The following SEMA3A variants were observed in gnomAD, a reference collection of about 807,000 sequenced individuals.
SEMA3A encodes the protein semaphorin 3A.
Under a neutral mutation model 97.9 loss-of-function variants are expected in SEMA3A, and 29 were observed. That is an observed-to-expected ratio of 0.30 (90% confidence interval 0.22 to 0.40). The LOEUF (loss-of-function observed/expected upper bound fraction) is 0.40. SEMA3A is among the 10% of genes least tolerant of loss of function. The probability of loss-of-function intolerance (pLI) is 1.00; values close to 1 mark genes in which losing one functional copy is unlikely to be tolerated. For synonymous variants in SEMA3A, 321 were observed against 323.7 expected, an observed-to-expected ratio of 0.99 and a Z score of 0.09; for missense variants, 763 against 951.3, an observed-to-expected ratio of 0.80 and a Z score of 2.60.
In SEMA3A at chr7:84,357,405, G is replaced by A. The variant is rs191599328; in HGVS notation, c.-169+14419C>T. ...GCGGTGTTTGGTTTTCTGTCTTTGC[G>A]ATAGTTTGCTGAGAATGATGGTTTC... On this transcript the variant is annotated intron_variant, in intron 2 of 3. Transcript: ENST00000424555. 2.4e-3 allele frequency among the ~76,000 whole-genome samples: 363 copies of A among 151,706 alleles called. 1 individual carries two copies. The highest frequency in any genetic ancestry group is 8.2e-3 in the African/African-American group (339 of 41,346).
intron 2 of SEMA3A, among the ~76,000 whole-genome samples, chr7:84,329,326 A>G (rs1346068310): frequency 2.0e-5 from 3 of 152,096 alleles, no homozygotes; most frequent in African/African-American, 2.4e-5. Flanking sequence ...AGCCGTGTCC[A>G]ACCCTTTGAA....
intron 5 of SEMA3A, among the ~76,000 whole-genome samples, chr7:84,047,024 C>T (rs1210194528): frequency 6.6e-6 from 1 of 151,668 alleles, no homozygotes; most frequent in Non-Finnish European, 1.5e-5. Flanking sequence ...TTTAATATAT[C>T]TAGTGGGAGA....
intron 3 of SEMA3A, among the ~76,000 whole-genome samples, chr7:84,128,328 T>C (rs1329551072): frequency 2.6e-5 from 4 of 151,238 alleles, no homozygotes; most frequent in East Asian, 1.9e-4. Flanking sequence ...AAAGAGGAGA[T>C]AAAAGGAAAA....
chr7:84,348,722 C>T (rs1022118063), intron 2 of SEMA3A, among the ~76,000 whole-genome samples: 14 of 152,094 alleles, frequency 9.2e-5, no homozygotes, highest in African/African-American at 3.4e-4. Context: ...CAGTGGCTCA[C>T]GCCTGTAATC....
At position 84,408,233 on chromosome 7, in the gene SEMA3A, G is replaced by A. The variant is rs1457518901; in HGVS notation, c.-245-36333C>T. Among the ~76,000 whole-genome samples the A allele has an allele frequency of 2.0e-5, 3 of 152,106 alleles. No homozygotes were observed. In the East Asian group the frequency reaches 5.8e-4, roughly 29 times the overall value. Reference sequence around the variant, plus strand: ...CAACCCCATCAACAAGTGGGTGAAGGATATGAACAGACGCTTCTCAAAAGA... The same window carrying A: ...CAACCCCATCAACAAGTGGGTGAAGAATATGAACAGACGCTTCTCAAAAGA... On this transcript the variant is annotated intron_variant, in intron 1 of 3. Transcript: ENST00000424555.
chr7:84,069,043 A>T (rs1793646960), intron 4 of SEMA3A, among the ~76,000 whole-genome samples: 2 of 152,272 alleles, frequency 1.3e-5, no homozygotes, highest in South Asian at 2.1e-4. Context: ...TTCTTACACA[A>T]TTCCATAGAG....
At chr7:84,320,130 G>GTGGGCCCA (rs1208629765) in intron 2 of SEMA3A, among the ~76,000 whole-genome samples, 1 of 151,412 alleles carries the variant, frequency 6.6e-6, no homozygotes, top group East Asian at 1.9e-4. Context: ...TTATGATAAT[G>GTGGGCCCA]GAAGCACTGA....
intron 1 of SEMA3A, among the ~76,000 whole-genome samples, chr7:84,476,547 A>G (rs1806286211): frequency 6.6e-6 from 1 of 152,088 alleles, no homozygotes; most frequent in South Asian, 2.1e-4. Context: ...ATGAATGCCT[A>G]CAACATTGTA....
chr7:83,958,742 C>T lies in SEMA3A; in HGVS notation c.*2629G>A, dbSNP rs980467364. On this transcript the variant is annotated 3_prime_UTR_variant, in exon 17 of 17. Transcript: ENST00000265362. The stretch of plus-strand genomic sequence containing the variant: ...TACCACTGCAAATTACTAAATAATA[C>T]ATAAAATGAAGTGTGCATTTACATG... The T allele has an allele frequency of 1.4e-4, 21 of 152,546 alleles. No individual in the cohort carries two copies. Among genetic ancestry groups the T allele is most frequent in the Middle Eastern group, 3.4e-3 (1 of 294 alleles). 9.4% of individuals were successfully genotyped at this position (152,546 alleles called of 1,614,324 possible). A position where few individuals can be genotyped will look rare whatever the true frequency, so the allele number is the denominator to read the frequency against.
chr7:84,429,268 C>T lies in SEMA3A; in HGVS notation c.-245-57368G>A, dbSNP rs554325382. Among the ~76,000 whole-genome samples the T allele has an allele frequency of 5.3e-5, 8 of 151,508 alleles. No homozygotes were observed. In the South Asian group the frequency reaches 1.7e-3, roughly 31 times the overall value. ...ACTACAAAACATTTCTGTGCTTTTCCACCAACTTTCTTACCTATACAGATA... is the reference window on the plus strand; with the variant it reads ...ACTACAAAACATTTCTGTGCTTTTCTACCAACTTTCTTACCTATACAGATA... On this transcript the variant is annotated intron_variant, in intron 1 of 3. Transcript: ENST00000424555.
chr7:84,061,575 AT>A (rs756114194), intron 4 of SEMA3A, among the ~76,000 whole-genome samples: 1 of 152,082 alleles, frequency 6.6e-6, no homozygotes, highest in Non-Finnish European at 1.5e-5. Context: ...TTTTTTGGCA[AT>A]TTCTCTACTA....
Position 84,390,251 on chromosome 7 carries a change from C to T in SEMA3A, c.-245-18351G>A, listed in dbSNP as rs138500365. The stretch of plus-strand genomic sequence containing the variant: ...GACTTGTAAAATTTCTTTCAAATCC[C>T]AATGCCGTTATGGTAGGAACACTCC... On this transcript the variant is annotated intron_variant, in intron 1 of 3. Transcript: ENST00000424555. Among the ~76,000 whole-genome samples the T allele has an allele frequency of 2.3e-3, 355 of 151,384 alleles. 1 individual carries two copies. Among genetic ancestry groups the T allele is most frequent in the African/African-American group, 8.0e-3 (332 of 41,328 alleles).
At chr7:84,207,779 G>A (rs954248867) in intron 3 of SEMA3A, among the ~76,000 whole-genome samples, 1 of 152,106 alleles carries the variant, frequency 6.6e-6, no homozygotes, top group Non-Finnish European at 1.5e-5. Context: ...TTCCTAGTAG[G>A]TTGGTGGGGC....
rs1047096662 is a variant in SEMA3A, at chr7:84,314,877, C to T, written c.-168-7585G>A. Among the ~76,000 whole-genome samples the T allele has an allele frequency of 3.3e-5, 5 of 152,010 alleles. No individual in the cohort carries two copies. The South Asian group carries it at 1.0e-3, about 32-fold the overall frequency. On this transcript the variant is annotated intron_variant, in intron 2 of 3. Coordinates refer to the SEMA3A transcript ENST00000424555. ...ATTTTTTCAAGTAAAAGCTGGTTTTCTTTAAATATAAATGGGAGGAAAACA... is the reference window on the plus strand; with the variant it reads ...ATTTTTTCAAGTAAAAGCTGGTTTTTTTTAAATATAAATGGGAGGAAAACA...
rs562149930 is a variant in SEMA3A, at chr7:84,006,509, C to T, written c.1140+844G>A. Reference sequence around the variant, plus strand: ...AGCCAGAAAGATGCATGGTTTTGCACTGGCATAACCTCACCTCTGGATGTA... The same window carrying T: ...AGCCAGAAAGATGCATGGTTTTGCATTGGCATAACCTCACCTCTGGATGTA... On this transcript the variant is annotated intron_variant, in intron 10 of 16. Transcript: ENST00000265362. Among the ~76,000 whole-genome samples the T allele has an allele frequency of 1.2e-4, 19 of 152,100 alleles. 2 individuals carry two copies. In the South Asian group the frequency reaches 3.9e-3, roughly 32 times the overall value.
intron 3 of SEMA3A, among the ~76,000 whole-genome samples, chr7:84,273,343 G>A (rs995961159): frequency 2.6e-5 from 4 of 152,024 alleles, no homozygotes; most frequent in African/African-American, 9.7e-5. Context: ...TAGTCTCCTA[G>A]AATATTAATA....
intron 2 of SEMA3A, among the ~76,000 whole-genome samples, chr7:84,341,727 T>C (rs987639571): frequency 6.6e-6 from 1 of 152,112 alleles, no homozygotes; most frequent in Non-Finnish European, 1.5e-5. Flanking sequence ...GTAGTTGTCC[T>C]TTAGTGTAGT....
intron 1 of SEMA3A, among the ~76,000 whole-genome samples, chr7:84,431,379 T>C (rs558836980): frequency 6.6e-6 from 1 of 152,154 alleles, no homozygotes; most frequent in South Asian, 2.1e-4. Flanking sequence ...CTATTTGATG[T>C]TTAAGGGATC....
intron 3 of SEMA3A, among the ~76,000 whole-genome samples, chr7:84,226,393 A>G (rs989471844): frequency 2.6e-5 from 4 of 152,134 alleles, no homozygotes; most frequent in Non-Finnish European, 2.9e-5. Context: ...GAGAACCCAG[A>G]CTTTCAAGTG....
Sources: allele counts gnomAD v4.1 joint callset (sites outside exome capture counted in the v4.1 genomes callset), GRCh38; gene constraint gnomAD v4.1.1; transcripts MANE v1.5; gene names NCBI Gene and HGNC (gene_info 2026-07-23, HGNC 2026-07-21).